The following ZNF827 variants were observed in gnomAD, a reference collection of about 807,000 sequenced individuals.
The protein encoded by ZNF827 is zinc finger protein 827.
A neutral mutation model predicts 102.4 loss-of-function variants in ZNF827; 13 were observed. The observed-to-expected ratio is 0.13, with a 90% CI of 0.08 to 0.20. The LOEUF (loss-of-function observed/expected upper bound fraction) is 0.20, where lower values mean the gene tolerates loss of function less well. Among genes scored for constraint, ZNF827 ranks in the 10% least tolerant of loss-of-function variants. ZNF827 has a pLI of 1.00. For synonymous variants in ZNF827, 523 were observed against 536.2 expected (o/e 0.98, Z 0.34); for missense variants, 1,103 against 1,344.4 (o/e 0.82, Z 2.81).
At chr4:145,806,444 T>C (rs1300488180) in intron 8 of ZNF827, among the ~76,000 whole-genome samples, 4 of 152,240 alleles carry the variant, frequency 2.6e-5, no homozygotes, top group East Asian at 1.9e-4. Context: ...GTGTGAGACA[T>C]TGTGCTGGGC....
intron 7 of ZNF827, among the ~76,000 whole-genome samples, chr4:145,825,305 A>G (rs1371102611): frequency 6.6e-6 from 1 of 152,204 alleles, no homozygotes; most frequent in Non-Finnish European, 1.5e-5. Flanking sequence ...GGTAGAGGCA[A>G]ATGAGTCTGG....
At chr4:145,870,618 G>A (rs1748601901) in intron 4 of ZNF827, 140 bp from the exon 5 acceptor site, 1 of 701,568 alleles carries the variant, frequency 1.4e-6, no homozygotes, top group Admixed American at 2.8e-5. Context: ...AGAACAGGCT[G>A]GGCCCTGGGC....
chr4:145,826,143 G>T (rs1049069582), intron 7 of ZNF827, among the ~76,000 whole-genome samples: 1 of 152,194 alleles, frequency 6.6e-6, no homozygotes, highest in South Asian at 2.1e-4. Context: ...TGCTAGTTTT[G>T]CAGAGAGTTT....
chr4:145,824,989 C>T (rs1198971600), intron 7 of ZNF827, among the ~76,000 whole-genome samples: 3 of 152,140 alleles, frequency 2.0e-5, no homozygotes, highest in Non-Finnish European at 4.4e-5. Flanking sequence ...ATCTTAAACA[C>T]AAAACAATTT....
intron 7 of ZNF827, among the ~76,000 whole-genome samples, chr4:145,825,053 G>C (rs551875827): frequency 2.0e-5 from 3 of 152,328 alleles, no homozygotes; most frequent in Non-Finnish European, 4.4e-5. Flanking sequence ...GCAGGAATTG[G>C]GGAGAAGCGA....
chr4:145,914,540 A>T (rs1752535399), intron 1 of ZNF827, among the ~76,000 whole-genome samples: 1 of 152,224 alleles, frequency 6.6e-6, no homozygotes, highest in African/African-American at 2.4e-5. Context: ...GCTGCTATCA[A>T]GTGGTCAAAT....
rs113812256 is a variant in ZNF827, at chr4:145,919,214, G to A, written c.44-15999C>T. ...GGCTGCAGCTGATGATCACACAACT[G>A]CACTCCAGCCTGGACTATAAGAGTT... is the stretch of plus-strand genomic sequence containing the variant. On this transcript the variant is annotated intron_variant, in intron 1 of 14. Coordinates refer to ENST00000508784, the MANE Select transcript of ZNF827 (RefSeq NM_001306215.2). Among the ~76,000 whole-genome samples, 778 of 152,230 alleles carry A rather than the reference G, an allele frequency of 5.1e-3. 5 individuals are homozygous for A. Among genetic ancestry groups the A allele is most frequent in the East Asian group, 0.042 (217 of 5,162 alleles).
In ZNF827 at chr4:145,779,500, T is replaced by A. The variant is rs1348065885; in HGVS notation, c.2395A>T (p.Ile799Leu). 6.2e-7 allele frequency: 1 copy of A among 1,613,378 alleles called. No individual in the cohort carries two copies. The highest frequency in any genetic ancestry group is 8.5e-7 in the Non-Finnish European group (1 of 1,179,808). ...GRISAPETEK[I>L]VLEAGNGLPS... is the part of the protein sequence containing the mutation. ...AATCCATTTCCTGCCTCTAGGACTA[T>A]CTTTTCTGTTTCTGGGTCAAAAGAA... Residue 799 changes from isoleucine (I) to leucine (L), a missense_variant, in exon 9 of 15, where the codon ATA (isoleucine) becomes TTA (leucine). By Grantham distance (5) the Ile-to-Leu change is conservative. Around this residue, in one of 5 missense-constraint regions of ZNF827, gnomAD observed 242 missense variants for 361.9 expected, o/e 0.67. Transcript: ENST00000508784.
Position 145,902,714 on chromosome 4 carries a change from T to G in ZNF827, c.545A>C (p.Gln182Pro). 2 of 1,614,016 alleles carry G rather than the reference T, an allele frequency of 1.2e-6. No homozygotes were observed. Among genetic ancestry groups the G allele is most frequent in the Non-Finnish European group, 1.7e-6 (2 of 1,180,036 alleles). Residue 182 changes from glutamine to proline, a missense_variant, in exon 2 of 15, where the codon CAA becomes CCA. This residue lies in a region of ZNF827 where 441 missense variants were observed against 458.6 expected (regional missense o/e 0.96). Coordinates refer to ENST00000508784, the MANE Select transcript of ZNF827 (RefSeq NM_001306215.2). This position sits in a 1 kb window ranked among gnomAD's most constrained non-coding sequence, Gnocchi z 4.3. ...KLAEKQEQNDQYTPSNRFIWN... is the reference protein window; with the variant it reads ...KLAEKQEQNDPYTPSNRFIWN... ...TATAAAACGGTTACTTGGAGTGTATTGGTCATTCTGTTCCTGCTTCTCGGC... is the reference window on the plus strand; with the variant it reads ...TATAAAACGGTTACTTGGAGTGTATGGGTCATTCTGTTCCTGCTTCTCGGC...
At chr4:145,870,540 T>C in intron 4 of ZNF827, 62 bp from the exon 5 acceptor site, 1 of 1,417,170 alleles carries the variant, frequency 7.1e-7, no homozygotes, top group Non-Finnish European at 9.9e-7. Context: ...TTAGCTGCCC[T>C]GGTACTTCAC....
chr4:145,927,197 C>T (rs1304871379), intron 1 of ZNF827, among the ~76,000 whole-genome samples: 1 of 152,062 alleles, frequency 6.6e-6, no homozygotes, highest in African/African-American at 2.4e-5. Context: ...GATTAGAAAA[C>T]GCCGCCTAAT....
intron 7 of ZNF827, among the ~76,000 whole-genome samples, chr4:145,837,229 T>C (rs78880689): frequency 2.1e-4 from 32 of 151,554 alleles, no homozygotes; most frequent in East Asian, 1.2e-3. Context: ...ATATCCCTTA[T>C]GGTCCTCCGT....
Position 145,845,994 on chromosome 4 carries a change from G to A in ZNF827, c.2241C>T (p.His747=). The change falls in exon 7 of 15, where the codon CAC becomes CAT. Residue 747 remains histidine (H), a synonymous_variant. Coordinates refer to ENST00000508784, the MANE Select transcript of ZNF827 (RefSeq NM_001306215.2). ...GGATGGTGTTTTCTTTTGTATGATT[G>A]TGCTCTTTGCTCACTTTTTCTGTAA... ...FQLSEKVSKE[H]NHTKENTIRT... The A allele has an allele frequency of 1.2e-6, 2 of 1,614,180 alleles. No individual in the cohort carries two copies. The highest frequency in any genetic ancestry group is 1.7e-6 in the Non-Finnish European group (2 of 1,180,032).
At chr4:145,914,569 T>G (rs1752539079) in intron 1 of ZNF827, among the ~76,000 whole-genome samples, 1 of 152,172 alleles carries the variant, frequency 6.6e-6, no homozygotes, top group Non-Finnish European at 1.5e-5. Context: ...ATTCCTTGTC[T>G]CCTTTTATTT....
intron 8 of ZNF827, among the ~76,000 whole-genome samples, chr4:145,788,331 C>A (rs1427118549): frequency 6.6e-6 from 1 of 152,092 alleles, no homozygotes; most frequent in Non-Finnish European, 1.5e-5. Flanking sequence ...TACTAGGTGC[C>A]CCTAATTCCA....
At chr4:145,864,601 AT>A (rs1271748993) in intron 5 of ZNF827, among the ~76,000 whole-genome samples, 3 of 152,006 alleles carry the variant, frequency 2.0e-5, no homozygotes, top group Non-Finnish European at 2.9e-5. Context: ...CTCTAAAAAA[AT>A]AATAAAATAA....
At chr4:145,924,795 A>G (rs1186674351) in intron 1 of ZNF827, among the ~76,000 whole-genome samples, 1 of 151,924 alleles carries the variant, frequency 6.6e-6, no homozygotes, top group Non-Finnish European at 1.5e-5. Flanking sequence ...CCCCTTCCAT[A>G]TTTTTCCTAC....
At chr4:145,873,753 C>T (rs1261355107) in intron 4 of ZNF827, among the ~76,000 whole-genome samples, 2 of 152,162 alleles carry the variant, frequency 1.3e-5, no homozygotes, top group Non-Finnish European at 2.9e-5. Context: ...CACCTTTCCC[C>T]CACTTCTTGG....
chr4:145,828,170 G>A lies in ZNF827; in HGVS notation c.2280-4645C>T, dbSNP rs565313769. On this transcript the variant is annotated intron_variant, in intron 7 of 14. Transcript: ENST00000508784. ...ACGTGCCCCGAAGCATGTTTGTACT[G>A]TCCTCCAACTGGTTACTTCAGCCAG... Among the ~76,000 whole-genome samples, 3 of 152,254 alleles carry A rather than the reference G, an allele frequency of 2.0e-5. No homozygotes were observed. In the South Asian group the frequency reaches 6.2e-4, roughly 32 times the overall value.
Sources: gnomAD v4.1 joint callset for allele counts (sites outside exome capture counted in the v4.1 genomes callset) on GRCh38, gnomAD v4.1.1 for gene constraint, gnomAD v4.1.1 regional missense constraint, Gnocchi (gnomAD v3.1) non-coding constraint, MANE v1.5 for transcripts, NCBI Gene and HGNC (gene_info 2026-07-23, HGNC 2026-07-21) for gene names.